The following PTPRD variants were observed in gnomAD, a reference collection of about 807,000 sequenced individuals.
The protein encoded by PTPRD is receptor-type tyrosine-protein phosphatase delta.
PTPRD carries 34 observed loss-of-function variants against 214.5 expected under a neutral mutation model. The ratio of observed to expected loss-of-function variants is 0.16; its 90% CI spans 0.12 to 0.21. The LOEUF (loss-of-function observed/expected upper bound fraction) is 0.21. Ranked by LOEUF, PTPRD falls within the 10% of genes least tolerant of loss-of-function variation. PTPRD has a pLI of 1.00. For missense variants in PTPRD, 2,545 were observed against 2,398.7 expected, an observed-to-expected ratio of 1.06 and a Z score of -1.27; for synonymous variants, 1,128 against 845.7, an observed-to-expected ratio of 1.33 and a Z score of -5.79.
intron 14 of PTPRD, among the ~76,000 whole-genome samples, chr9:8,614,509 T>C (rs1013932471): frequency 6.6e-6 from 1 of 152,194 alleles, no homozygotes; most frequent in Non-Finnish European, 1.5e-5. Flanking sequence ...GAGGGTAGAC[T>C]GAAATAGAGA....
intron 3 of PTPRD, among the ~76,000 whole-genome samples, chr9:10,194,887 A>T (rs2154327112): frequency 6.6e-6 from 1 of 151,896 alleles, no homozygotes; most frequent in Admixed American, 6.6e-5. Context: ...TATTAGTTAG[A>T]CTTAAGTTTG....
At chr9:9,028,632 A>G (rs918120300) in intron 10 of PTPRD, among the ~76,000 whole-genome samples, 3 of 151,978 alleles carry the variant, frequency 2.0e-5, no homozygotes, top group Non-Finnish European at 2.9e-5. Flanking sequence ...TGTCTTCTCT[A>G]TGAAAGACAT....
At chr9:8,342,589 G>C (rs1257888557) in intron 39 of PTPRD, among the ~76,000 whole-genome samples, 6 of 151,978 alleles carry the variant, frequency 3.9e-5, no homozygotes, top group Non-Finnish European at 7.4e-5. Context: ...GTATATAATA[G>C]GTGTATATTA....
intron 10 of PTPRD, among the ~76,000 whole-genome samples, chr9:9,086,268 C>T (rs541280537): frequency 6.6e-6 from 1 of 152,260 alleles, no homozygotes; most frequent in South Asian, 2.1e-4. Context: ...GACTAATTCA[C>T]TGAGAGTGAG....
In PTPRD at chr9:9,426,507, A is replaced by G. The variant is rs147472704; in HGVS notation, c.-236-29025T>C. On this transcript the variant is annotated intron_variant, in intron 8 of 45. Transcript: ENST00000381196. ...CAGAGCATAGCTGAACAAAAGGAGCAGAAACTTCTGCAGACTTAAAGGTCC... is the reference window on the plus strand; with the variant it reads ...CAGAGCATAGCTGAACAAAAGGAGCGGAAACTTCTGCAGACTTAAAGGTCC... 6.8e-3 allele frequency among the ~76,000 whole-genome samples: 1,036 copies of G among 152,318 alleles called. 24 individuals carry two copies. In the East Asian group the frequency reaches 0.091, roughly 13 times the overall value.
intron 5 of PTPRD, among the ~76,000 whole-genome samples, chr9:9,830,575 T>C (rs2054495759): frequency 6.6e-6 from 1 of 151,952 alleles, no homozygotes; most frequent in Non-Finnish European, 1.5e-5. Flanking sequence ...CTTCCAACTA[T>C]GGAAGTCAAC....
At chr9:9,471,417 C>A (rs1589276058) in intron 8 of PTPRD, among the ~76,000 whole-genome samples, 1 of 152,206 alleles carries the variant, frequency 6.6e-6, no homozygotes, top group East Asian at 1.9e-4. Context: ...TAATAAGAAT[C>A]ACAATCCTTC....
intron 11 of PTPRD, among the ~76,000 whole-genome samples, chr9:8,754,011 G>A (rs1469090018): frequency 6.6e-6 from 1 of 152,110 alleles, no homozygotes; most frequent in East Asian, 1.9e-4. Context: ...CTGGCATGGT[G>A]GCACATGCCT....
chr9:9,134,866 A>T (rs1396408685), intron 10 of PTPRD, among the ~76,000 whole-genome samples: 2 of 152,126 alleles, frequency 1.3e-5, no homozygotes, highest in African/African-American at 2.4e-5. Flanking sequence ...TGCCGGGTAC[A>T]TTGAAGGTGT....
chr9:9,646,756 A>G (rs1023117025), intron 7 of PTPRD, among the ~76,000 whole-genome samples: 2 of 152,124 alleles, frequency 1.3e-5, no homozygotes, highest in Non-Finnish European at 2.9e-5. Flanking sequence ...TTTTTCCTAT[A>G]CATGCATATC....
At chr9:8,604,314 T>A (rs1231559912) in intron 14 of PTPRD, among the ~76,000 whole-genome samples, 1 of 152,134 alleles carries the variant, frequency 6.6e-6, no homozygotes. Flanking sequence ...GGAAGTAATA[T>A]ATGAGCTAGA....
chr9:9,090,918 C>G, intron 10 of PTPRD: 3 of 1,515,158 alleles, frequency 2.0e-6, no homozygotes, highest in South Asian at 1.1e-5. Flanking sequence ...AAAGAAGGAA[C>G]AATGGTCGTG....
chr9:9,504,395 C>G (rs1469058004), intron 8 of PTPRD, among the ~76,000 whole-genome samples: 2 of 151,670 alleles, frequency 1.3e-5, no homozygotes, highest in African/African-American at 4.8e-5. Context: ...TGATGACCTA[C>G]AAGGCCGCAA....
chr9:9,402,986 AAAACACC>A (rs1569568020), intron 8 of PTPRD, among the ~76,000 whole-genome samples: 2 of 147,004 alleles, frequency 1.4e-5, no homozygotes, highest in African/African-American at 5.1e-5. Context: ...AAAAAAAAAA[AAAACACC>A]AAAAAAAAAT....
intron 11 of PTPRD, among the ~76,000 whole-genome samples, chr9:9,001,070 C>A (rs928924868): frequency 6.6e-6 from 1 of 151,978 alleles, no homozygotes; most frequent in African/African-American, 2.4e-5. Flanking sequence ...TCTCAAATTT[C>A]TGTTGATTGT....
At chr9:8,845,495 G>C (rs1388437155) in intron 11 of PTPRD, among the ~76,000 whole-genome samples, 1 of 152,206 alleles carries the variant, frequency 6.6e-6, no homozygotes, top group Non-Finnish European at 1.5e-5. Flanking sequence ...GGAAATACAA[G>C]CCATCAAATA....
At chr9:10,464,300 G>T (rs979761160) in intron 2 of PTPRD, among the ~76,000 whole-genome samples, 3 of 151,930 alleles carry the variant, frequency 2.0e-5, no homozygotes, top group African/African-American at 7.3e-5. Flanking sequence ...AGAATTGCTC[G>T]AACCCGGAGG....
chr9:9,368,549 G>A (rs148922585), intron 9 of PTPRD, among the ~76,000 whole-genome samples: 1 of 151,906 alleles, frequency 6.6e-6, no homozygotes, highest in East Asian at 1.9e-4. Context: ...GTCAGAGAGA[G>A]GCTAGGTTGA....
At chr9:8,444,894 C>G (rs1382003005) in intron 34 of PTPRD, among the ~76,000 whole-genome samples, 3 of 152,074 alleles carry the variant, frequency 2.0e-5, no homozygotes, top group Non-Finnish European at 2.9e-5. Flanking sequence ...ATCTATTCAC[C>G]CATCCTAGTG....
Sources: allele counts gnomAD v4.1 joint callset (sites outside exome capture counted in the v4.1 genomes callset), GRCh38; gene constraint gnomAD v4.1.1; transcripts MANE v1.5; gene names NCBI Gene and HGNC (gene_info 2026-07-23, HGNC 2026-07-21).